The following KCNG2 variants were observed in gnomAD, a reference collection of about 807,000 sequenced individuals.
KCNG2 encodes voltage-gated potassium channel regulatory subunit KCNG2.
A neutral mutation model predicts 12.3 loss-of-function variants in KCNG2; 7 were observed. The observed-to-expected ratio is 0.57, with a 90% confidence interval of 0.32 to 1.07. The LOEUF (loss-of-function observed/expected upper bound fraction) is 1.07. Ranked by LOEUF, KCNG2 falls within the 50% of genes least tolerant of loss-of-function variation. KCNG2 has a pLI of 0.04. For synonymous variants in KCNG2, 414 were observed against 351.4 expected, an observed-to-expected ratio of 1.18 and a Z score of -1.99; for missense variants, 703 against 726.0, an observed-to-expected ratio of 0.97 and a Z score of 0.36.
rs909439268 is a variant in KCNG2 at position 79,803,168 on chromosome 18, ACT to A, written c.-115+5157_-115+5158del. On this transcript the variant is annotated intron_variant, in intron 1 of 3. Coordinates refer to ENST00000316249, the MANE Select transcript of KCNG2 (RefSeq NM_012283.2). This position sits in a 1 kb window ranked among gnomAD's most constrained non-coding sequence, Gnocchi z 4.5. ...ACTCCAGCCTGGGTGACAGAGCAAGACTCTGTCTCAAAAAAAAAATAGTTAAC... is the reference window on the plus strand; with the variant it reads ...ACTCCAGCCTGGGTGACAGAGCAAGACTGTCTCAAAAAAAAAATAGTTAAC... 1.3e-5 allele frequency among the ~76,000 whole-genome samples: 2 copies of A among 151,702 alleles called. No homozygotes were observed. Among genetic ancestry groups the A allele is most frequent in the African/African-American group, 2.4e-5 (1 of 41,280 alleles).
chr18:79,841,537 A>T (rs1422888023), intron 1 of KCNG2, among the ~76,000 whole-genome samples: 1 of 152,266 alleles, frequency 6.6e-6, no homozygotes, highest in Non-Finnish European at 1.5e-5. Context: ...AAATGCGTTT[A>T]AAAACTCTCA....
At chr18:79,869,201 T>C (rs563001636) in intron 3 of KCNG2, among the ~76,000 whole-genome samples, 93 of 152,188 alleles carry the variant, frequency 6.1e-4, no homozygotes, top group African/African-American at 2.1e-3. Flanking sequence ...GCTGGTTGCT[T>C]TCAGTGCCCG....
At chr18:79,833,082 A>C (rs1219883836) in intron 1 of KCNG2, among the ~76,000 whole-genome samples, 2 of 152,114 alleles carry the variant, frequency 1.3e-5, no homozygotes, top group African/African-American at 4.8e-5. Context: ...AGTGTTCCTC[A>C]AGCTCTATAA....
chr18:79,877,160 G>GA (rs1471957040), intron 3 of KCNG2, among the ~76,000 whole-genome samples: 5 of 152,174 alleles, frequency 3.3e-5, no homozygotes, highest in African/African-American at 1.2e-4. Flanking sequence ...TGAGTGAAAA[G>GA]AAAAAACCTC....
intron 1 of KCNG2, among the ~76,000 whole-genome samples, chr18:79,810,435 C>T (rs939142602): frequency 6.0e-4 from 92 of 152,184 alleles, no homozygotes; most frequent in African/African-American, 2.2e-3. Flanking sequence ...ATACTGATGC[C>T]GAGTGCTGGT....
At chr18:79,865,867 T>G (rs1381358330) in intron 3 of KCNG2, among the ~76,000 whole-genome samples, 62 of 63,676 alleles carry the variant, frequency 9.7e-4, no homozygotes, top group East Asian at 2.7e-3. Context: ...GAGAGGTCTG[T>G]GGGCTGAAGT....
chr18:79,849,618 T>C (rs1042568294), intron 1 of KCNG2, among the ~76,000 whole-genome samples: 5 of 152,236 alleles, frequency 3.3e-5, no homozygotes, highest in African/African-American at 1.2e-4. Flanking sequence ...TTCTTAGCTG[T>C]CGTGGTTTCT....
At chr18:79,898,584 G>T (rs1241385618) in intron 3 of KCNG2, among the ~76,000 whole-genome samples, 1 of 152,204 alleles carries the variant, frequency 6.6e-6, no homozygotes, top group Non-Finnish European at 1.5e-5. Flanking sequence ...GGAGGTGGGG[G>T]TGGGGGTCTG....
At chr18:79,835,338 G>A (rs1279763481) in intron 1 of KCNG2, among the ~76,000 whole-genome samples, 1 of 152,230 alleles carries the variant, frequency 6.6e-6, no homozygotes, top group Non-Finnish European at 1.5e-5. Flanking sequence ...ACAGTCAACG[G>A]CCATTGACAC....
At chr18:79,895,089 G>A (rs962942139) in intron 3 of KCNG2, among the ~76,000 whole-genome samples, 1 of 150,098 alleles carries the variant, frequency 6.7e-6, no homozygotes, top group East Asian at 1.9e-4. Flanking sequence ...ATATAGCTGC[G>A]TCTGTGTCTG....
At position 79,806,316 on chromosome 18, in the gene KCNG2, G is replaced by A. The variant is rs1290511862; in HGVS notation, c.-115+8302G>A. ...GCCGCTGTGTCGGGGGTCGGGGCAT[G>A]GGGCCATCGGGAAGCCCCCTGAGCA... On this transcript the variant is annotated intron_variant, in intron 1 of 3. Transcript: ENST00000316249. Among the ~76,000 whole-genome samples, 5 of 152,316 alleles carry A rather than the reference G, an allele frequency of 3.3e-5. No homozygotes were observed. In the East Asian group the frequency reaches 5.8e-4, roughly 18 times the overall value.
chr18:79,835,040 A>G (rs1978316204), intron 1 of KCNG2, among the ~76,000 whole-genome samples: 1 of 152,188 alleles, frequency 6.6e-6, no homozygotes, highest in African/African-American at 2.4e-5. Context: ...CACCCCTCCC[A>G]GCCAGGGACG....
intron 1 of KCNG2, among the ~76,000 whole-genome samples, chr18:79,826,176 G>A (rs1020347890): frequency 2.0e-5 from 3 of 152,004 alleles, no homozygotes; most frequent in Admixed American, 6.5e-5. Context: ...CCGGGTAGTC[G>A]AGCTGAAACT....
intron 1 of KCNG2, among the ~76,000 whole-genome samples, chr18:79,818,837 G>A (rs1053106371): frequency 4.0e-4 from 61 of 152,280 alleles, no homozygotes; most frequent in African/African-American, 1.4e-3. Flanking sequence ...GGCAGCAAAG[G>A]GGGCCCCTGG....
At chr18:79,881,958 G>T (rs1300679450) in intron 3 of KCNG2, among the ~76,000 whole-genome samples, 2 of 152,086 alleles carry the variant, frequency 1.3e-5, no homozygotes, top group African/African-American at 4.8e-5. Context: ...CACGGAGAAA[G>T]AATCGTCTTT....
chr18:79,899,995 G>A lies in KCNG2; in HGVS notation c.*179G>A, dbSNP rs146567075. On this transcript the variant is annotated 3_prime_UTR_variant, in exon 4 of 4. Coordinates refer to ENST00000316249, the MANE Select transcript of KCNG2 (RefSeq NM_012283.2). ...GCGGGGCCCTGCCTGACTCCCCGTGGCAGCGCTGGGCAAAGTCACTGGCCT... is the reference window on the plus strand; with the variant it reads ...GCGGGGCCCTGCCTGACTCCCCGTGACAGCGCTGGGCAAAGTCACTGGCCT... 3.6e-4 allele frequency: 158 copies of A among 443,554 alleles called. 1 individual carries two copies. The East Asian group carries it at 3.8e-3, about 11-fold the overall frequency. 27.5% of individuals were successfully genotyped at this position (443,554 alleles called of 1,614,324 possible). A position where few individuals can be genotyped will look rare whatever the true frequency, so the allele number is the denominator to read the frequency against.
At chr18:79,846,665 A>G (rs1978640434) in intron 1 of KCNG2, among the ~76,000 whole-genome samples, 1 of 152,232 alleles carries the variant, frequency 6.6e-6, no homozygotes, top group Non-Finnish European at 1.5e-5. Flanking sequence ...TTGAAAAATA[A>G]AAAATTCATT....
intron 3 of KCNG2, among the ~76,000 whole-genome samples, chr18:79,873,583 G>A (rs1023802714): frequency 1.2e-4 from 19 of 152,118 alleles, no homozygotes; most frequent in African/African-American, 3.1e-4. Context: ...GGACGGGAGC[G>A]TTTTCCTGGG....
At chr18:79,864,335 C>T in intron 3 of KCNG2, 44 bp downstream of exon 3, 1 of 506,212 alleles carries the variant, frequency 2.0e-6, no homozygotes, top group Non-Finnish European at 3.0e-6. Flanking sequence ...GGAGCTGGGG[C>T]TGGGCTGGGA....
Sources: gnomAD v4.1 joint callset for allele counts (sites outside exome capture counted in the v4.1 genomes callset) on GRCh38, gnomAD v4.1.1 for gene constraint, Gnocchi (gnomAD v3.1) non-coding constraint, MANE v1.5 for transcripts, NCBI Gene and HGNC (gene_info 2026-07-23, HGNC 2026-07-21) for gene names.